Variants in RRAD observed in about 807,000 individuals in gnomAD.
RRAD encodes RRAD, Ras related glycolysis inhibitor and calcium channel regulator, also known as GTP-binding protein RAD.
A neutral mutation model predicts 24.7 loss-of-function variants in RRAD; 15 were observed. The observed-to-expected ratio is 0.61, with a 90% CI of 0.41 to 0.93. The LOEUF is 0.93. RRAD is among the 40% of genes least tolerant of loss of function. The pLI is 0.00. For missense variants in RRAD, 438 were observed against 452.2 expected (o/e 0.97, Z 0.29); for synonymous variants, 180 against 189.8 (o/e 0.95, Z 0.43).
In RRAD at chr16:66,923,944, T is replaced by C; in HGVS notation, c.371-25A>G. The stretch of plus-strand genomic sequence containing the variant: ...CCTAGGCAGAAGGCCAGTAGACAGG[T>C]TACCAGCTGGTTGTCAAAGCCGCTG... On this transcript the variant is annotated intron_variant, in intron 2 of 4. Coordinates refer to ENST00000299759, the MANE Select transcript of RRAD (RefSeq NM_004165.3). This position sits in a 1 kb window ranked among gnomAD's most constrained non-coding sequence, Gnocchi z 4.9. The C allele has an allele frequency of 6.2e-7, 1 of 1,605,610 alleles. No homozygotes were observed. The highest frequency in any genetic ancestry group is 8.5e-7 in the Non-Finnish European group (1 of 1,172,228).
In RRAD at chr16:66,922,251, A is replaced by G. The variant is rs1268228329; in HGVS notation, c.752T>C (p.Ile251Thr). 6.2e-7 allele frequency: 1 copy of G among 1,614,086 alleles called. No homozygotes were observed. Among genetic ancestry groups the G allele is most frequent in the Non-Finnish European group, 8.5e-7 (1 of 1,179,968 alleles). ...TTCTTTGCTGTCCCTGCGCAGGCGTATCTGGCGCACGACACCTTCAAACAG... is the reference window on the plus strand; with the variant it reads ...TTCTTTGCTGTCCCTGCGCAGGCGTGTCTGGCGCACGACACCTTCAAACAG... ...QALFEGVVRQ[I>T]RLRRDSKEAN... Residue 251 changes from isoleucine to threonine, a missense_variant, in exon 5 of 5, where the codon ATA becomes ACA. Transcript: ENST00000299759.
chr16:66,923,452 C>A lies in RRAD; in HGVS notation c.649+64G>T. 1 of 1,383,628 alleles carries A rather than the reference C, an allele frequency of 7.2e-7. No individual in the cohort carries two copies. The highest frequency in any genetic ancestry group is 1.2e-5 in the South Asian group (1 of 80,038). 85.7% of individuals were successfully genotyped at this position (1,383,628 alleles called of 1,614,324 possible). ...TGATCCCCAGGGACTCAAGCTGAGC[C>A]AAGACTGCCTGGATCAGGGCCCAGC... On this transcript the variant is annotated intron_variant, in intron 4 of 4. Transcript: ENST00000299759. The surrounding 1 kb of genome is among the most constrained non-coding windows in gnomAD (Gnocchi z 4.9).
rs775830753 is a variant in RRAD, at chr16:66,923,545, A to G, written c.620T>C (p.Leu207Pro). The change falls in exon 4 of 5, where the codon CTG becomes CCG. Residue 207 changes from leucine (L) to proline (P), a missense_variant. Transcript: ENST00000299759. The surrounding 1 kb of genome is among the most constrained non-coding windows in gnomAD (Gnocchi z 4.9). ...CACCGAGACCTCACGAGAGCGCACC[A>G]GGTCGCTCTTGTTGCCCACGAGGAT... ...PIILVGNKSD[L>P]VRSREVSVDE... 6.2e-7 allele frequency: 1 copy of G among 1,610,028 alleles called. No homozygotes were observed. The highest frequency in any genetic ancestry group is 8.5e-7 in the Non-Finnish European group (1 of 1,179,722).
Position 66,923,894 on chromosome 16 carries a change from T to G in RRAD, c.396A>C (p.Val132=), listed in dbSNP as rs773967178. The G allele has an allele frequency of 1.2e-6, 2 of 1,614,054 alleles. No homozygotes were observed. Among genetic ancestry groups the G allele is most frequent in the Admixed American group, 3.3e-5 (2 of 60,010 alleles). ...TGAGTGATGCCTCTTCTCCGTCCAC[T>G]ACAATGGAGCGATCATAGGTGTGCC... The part of the protein sequence containing the change: ...AAGHTYDRSI[V]VDGEEASLMV... The change falls in exon 3 of 5, where the codon GTA becomes GTC. Residue 132 remains valine, a synonymous_variant. Transcript: ENST00000299759. The surrounding 1 kb of genome is among the most constrained non-coding windows in gnomAD (Gnocchi z 4.9).
At position 66,924,091 on chromosome 16, in the gene RRAD, G is replaced by T. The variant is rs545056632; in HGVS notation, c.371-172C>A. On this transcript the variant is annotated intron_variant, in intron 2 of 4. Coordinates refer to ENST00000299759, the MANE Select transcript of RRAD (RefSeq NM_004165.3). This position sits in a 1 kb window ranked among gnomAD's most constrained non-coding sequence, Gnocchi z 4.2. ...AGTGCCAGGCAGGGAAGTGGGGGCT[G>T]GAGGGCATGGTGTGCCTGACCTCCA... Among the ~76,000 whole-genome samples the T allele has an allele frequency of 6.6e-5, 10 of 152,282 alleles. No homozygotes were observed. Among genetic ancestry groups the T allele is most frequent in the African/African-American group, 2.4e-4 (10 of 41,552 alleles).
rs1962979579 is a variant in RRAD at position 66,925,132 on chromosome 16, C to A, written c.48G>T (p.Gly16=). The change falls in exon 2 of 5, where the codon GGG becomes GGT. Residue 16 remains glycine (G), a synonymous_variant. Transcript: ENST00000299759. This position sits in a 1 kb window ranked among gnomAD's most constrained non-coding sequence, Gnocchi z 5.2. ...GGSGAGGSRG[G]GQERERRRGS... Reference sequence around the variant, plus strand: ...CCCGACGGCGCTCGCGCTCCTGGCCCCCACCGCGGCTCCCGCCCGCTCCGC... The same window carrying A: ...CCCGACGGCGCTCGCGCTCCTGGCCACCACCGCGGCTCCCGCCCGCTCCGC... 1 of 1,226,666 alleles carries A rather than the reference C, an allele frequency of 8.2e-7. No individual in the cohort carries two copies. Among genetic ancestry groups the A allele is most frequent in the East Asian group, 3.2e-5 (1 of 31,240 alleles). The allele number at this position is 1,226,666 out of a possible 1,614,324, so 76.0% of individuals were successfully genotyped here. A position where few individuals can be genotyped will look rare whatever the true frequency, so the allele number is the denominator to read the frequency against.
rs528970997 is a variant in RRAD, at chr16:66,922,278, G to A, written c.725C>T (p.Ala242Val). 3 of 1,613,488 alleles carry A rather than the reference G, an allele frequency of 1.9e-6. No homozygotes were observed. The highest frequency in any genetic ancestry group is 3.3e-5 in the Admixed American group (2 of 60,014). The change falls in exon 5 of 5, where the codon GCG becomes GTG. Residue 242 changes from alanine to valine, a missense_variant. Coordinates refer to ENST00000299759, the MANE Select transcript of RRAD (RefSeq NM_004165.3). ...CTGGCGCACGACACCTTCAAACAGC[G>A]CCTGGACATTGTGGTGCAATGCCGC... ...TSAALHHNVQ[A>V]LFEGVVRQIR... is the part of the protein sequence containing the mutation.
rs761272988 is a variant in RRAD at position 66,921,771 on chromosome 16, C to A, written c.*305G>T. The A allele has an allele frequency of 1.7e-5, 6 of 349,068 alleles. No individual in the cohort carries two copies. The highest frequency in any genetic ancestry group is 1.2e-4 in the African/African-American group (6 of 48,028). The allele number at this position is 349,068 out of a possible 1,614,324, so 21.6% of individuals were successfully genotyped here. ...AGCCTCCCTCCAGGGCAGGCACACCCGGGCTGTGAAAAAAGGCAGAGTCCT... is the reference window on the plus strand; with the variant it reads ...AGCCTCCCTCCAGGGCAGGCACACCAGGGCTGTGAAAAAAGGCAGAGTCCT... On this transcript the variant is annotated 3_prime_UTR_variant, in exon 5 of 5. Transcript: ENST00000299759.
chr16:66,923,459 G>C lies in RRAD; in HGVS notation c.649+57C>G. The C allele has an allele frequency of 7.1e-7, 1 of 1,413,354 alleles. No homozygotes were observed. The highest frequency in any genetic ancestry group is 9.7e-7 in the Non-Finnish European group (1 of 1,026,128). The allele number at this position is 1,413,354 out of a possible 1,614,324, so 87.6% of individuals were successfully genotyped here. On this transcript the variant is annotated intron_variant, in intron 4 of 4. Coordinates refer to ENST00000299759, the MANE Select transcript of RRAD (RefSeq NM_004165.3). The surrounding 1 kb of genome is among the most constrained non-coding windows in gnomAD (Gnocchi z 4.9). ...CAGGGACTCAAGCTGAGCCAAGACT[G>C]CCTGGATCAGGGCCCAGCTGGGCTC...
In RRAD at chr16:66,923,756, C is replaced by T; in HGVS notation, c.445-36G>A. On this transcript the variant is annotated intron_variant, in intron 3 of 4. Transcript: ENST00000299759. The surrounding 1 kb of genome is among the most constrained non-coding windows in gnomAD (Gnocchi z 4.9). ...CACAACACACATCTGCCCAACAGTC[C>T]TCATGCCCCCGACACGAGCCTGGCA... The T allele has an allele frequency of 6.2e-7, 1 of 1,613,060 alleles. No homozygotes were observed. Among genetic ancestry groups the T allele is most frequent in the Non-Finnish European group, 8.5e-7 (1 of 1,179,084 alleles).
rs1962968386 is a variant in RRAD at position 66,924,745 on chromosome 16, A to C, written c.370+65T>G. ...TTCCACGGTATTTGCGGCTTTGAGT[A>C]CCGGTCTCAGCCCCTAGTCCTAGCC... On this transcript the variant is annotated intron_variant, in intron 2 of 4. Coordinates refer to ENST00000299759, the MANE Select transcript of RRAD (RefSeq NM_004165.3). The surrounding 1 kb of genome is among the most constrained non-coding windows in gnomAD (Gnocchi z 4.2). 1 of 1,285,128 alleles carries C rather than the reference A, an allele frequency of 7.8e-7. No homozygotes were observed. The allele number at this position is 1,285,128 out of a possible 1,614,324, so 79.6% of individuals were successfully genotyped here. A position where few individuals can be genotyped will look rare whatever the true frequency, so the allele number is the denominator to read the frequency against.
rs183365824 is a variant in RRAD, at chr16:66,923,246, C to T, written c.649+270G>A. On this transcript the variant is annotated intron_variant, in intron 4 of 4. Coordinates refer to ENST00000299759, the MANE Select transcript of RRAD (RefSeq NM_004165.3). The surrounding 1 kb of genome is among the most constrained non-coding windows in gnomAD (Gnocchi z 4.9). ...CACTCTCTTCCACCCATTTACCCCC[C>T]CAACCAGCCAGGCCAGGACCAAGAG... Among the ~76,000 whole-genome samples the T allele has an allele frequency of 2.6e-5, 4 of 152,300 alleles. No individual in the cohort carries two copies. The highest frequency in any genetic ancestry group is 4.8e-5 in the African/African-American group (2 of 41,572).
rs933648242 is a variant in RRAD, at chr16:66,923,347, C to A, written c.649+169G>T. 1.3e-5 allele frequency among the ~76,000 whole-genome samples: 2 copies of A among 152,162 alleles called. No homozygotes were observed. Among genetic ancestry groups the A allele is most frequent in the Non-Finnish European group, 2.9e-5 (2 of 68,026 alleles). On this transcript the variant is annotated intron_variant, in intron 4 of 4. Coordinates refer to ENST00000299759, the MANE Select transcript of RRAD (RefSeq NM_004165.3). The surrounding 1 kb of genome is among the most constrained non-coding windows in gnomAD (Gnocchi z 4.9). Reference sequence around the variant, plus strand: ...TCTTTCCCCAGCCCTCTGGGGCCTTCCGGAGCCCTGTGAGCAGGCACCAGC... The same window carrying A: ...TCTTTCCCCAGCCCTCTGGGGCCTTACGGAGCCCTGTGAGCAGGCACCAGC...
In RRAD at chr16:66,921,807, G is replaced by T. The variant is rs1202928979; in HGVS notation, c.*269C>A. The T allele has an allele frequency of 2.4e-5, 10 of 412,786 alleles. No individual in the cohort carries two copies. Among genetic ancestry groups the T allele is most frequent in the Non-Finnish European group, 3.5e-5 (8 of 231,600 alleles). 25.6% of individuals were successfully genotyped at this position (412,786 alleles called of 1,614,324 possible). On this transcript the variant is annotated 3_prime_UTR_variant, in exon 5 of 5. Transcript: ENST00000299759. ...AAAAGGCAGAGTCCTCTCCCGGCACGCAGGCCTGCCCGGCGGCTGCGCTGC... is the reference window on the plus strand; with the variant it reads ...AAAAGGCAGAGTCCTCTCCCGGCACTCAGGCCTGCCCGGCGGCTGCGCTGC...
chr16:66,925,249 G>GGGC lies in RRAD; in HGVS notation c.-15-58_-15-56dup. 8.3e-7 allele frequency: 1 copy of GGGC among 1,199,188 alleles called. No homozygotes were observed. Among genetic ancestry groups the GGGC allele is most frequent in the South Asian group, 4.3e-5 (1 of 23,508 alleles). 74.3% of individuals were successfully genotyped at this position (1,199,188 alleles called of 1,614,324 possible). ...TAAGCCGCGAGGGAGGCGGGACCCGGGGCGCACCTGCCCAACCCGGAGTCA... is the reference window on the plus strand; with the variant it reads ...TAAGCCGCGAGGGAGGCGGGACCCGGGGCGGCGCACCTGCCCAACCCGGAGTCA... On this transcript the variant is annotated intron_variant, in intron 1 of 4. Coordinates refer to ENST00000299759, the MANE Select transcript of RRAD (RefSeq NM_004165.3). The surrounding 1 kb of genome is among the most constrained non-coding windows in gnomAD (Gnocchi z 5.2).
intron 4 of RRAD, 93 bp from the exon 5 acceptor site, chr16:66,922,446 C>T (rs1962929538): frequency 5.3e-6 from 7 of 1,332,548 alleles, no homozygotes; most frequent in Non-Finnish European, 7.1e-6. Flanking sequence ...AGCTGCCACT[C>T]GAGAATTTGC....
rs1287232692 is a variant in RRAD at position 66,923,725 on chromosome 16, A to G, written c.445-5T>C. On this transcript the variant is annotated splice_region_variant and splice_polypyrimidine_tract_variant and intron_variant, in intron 3 of 4. Coordinates refer to ENST00000299759, the MANE Select transcript of RRAD (RefSeq NM_004165.3). This position sits in a 1 kb window ranked among gnomAD's most constrained non-coding sequence, Gnocchi z 4.9. ...GGGCAACCAGCGGCCCCCGTCCTGGAGAACACACAACACACATCTGCCCAA... is the reference window on the plus strand; with the variant it reads ...GGGCAACCAGCGGCCCCCGTCCTGGGGAACACACAACACACATCTGCCCAA... 37 of 1,614,052 alleles carry G rather than the reference A, an allele frequency of 2.3e-5. No individual in the cohort carries two copies. Among genetic ancestry groups the G allele is most frequent in the Non-Finnish European group, 2.8e-5 (33 of 1,179,998 alleles).
rs952609326 is a variant in RRAD at position 66,925,439 on chromosome 16, G to A, written c.-46C>T. ...CGCACACAGACACGCTCAGGACTAG[G>A]ATCCGGATTAGGAGGCCACGCACTC... On this transcript the variant is annotated 5_prime_UTR_variant, in exon 1 of 5. Transcript: ENST00000299759. The surrounding 1 kb of genome is among the most constrained non-coding windows in gnomAD (Gnocchi z 5.2). The A allele has an allele frequency of 9.3e-6, 3 of 321,446 alleles. No individual in the cohort carries two copies. The highest frequency in any genetic ancestry group is 6.5e-5 in the African/African-American group (3 of 46,228). The allele number at this position is 321,446 out of a possible 1,614,324, so 19.9% of individuals were successfully genotyped here. A position where few individuals can be genotyped will look rare whatever the true frequency, so the allele number is the denominator to read the frequency against.
At position 66,924,747 on chromosome 16, in the gene RRAD, CG is replaced by C; in HGVS notation, c.370+62del. Reference sequence around the variant, plus strand: ...CCACGGTATTTGCGGCTTTGAGTACCGGTCTCAGCCCCTAGTCCTAGCCCCG... The same window carrying C: ...CCACGGTATTTGCGGCTTTGAGTACCGTCTCAGCCCCTAGTCCTAGCCCCG... On this transcript the variant is annotated intron_variant, in intron 2 of 4. Transcript: ENST00000299759. The surrounding 1 kb of genome is among the most constrained non-coding windows in gnomAD (Gnocchi z 4.2). 3 of 1,294,462 alleles carry C rather than the reference CG, an allele frequency of 2.3e-6. No individual in the cohort carries two copies. The highest frequency in any genetic ancestry group is 3.0e-6 in the Non-Finnish European group (3 of 1,003,690). 80.2% of individuals were successfully genotyped at this position (1,294,462 alleles called of 1,614,324 possible).
Sources: allele counts gnomAD v4.1 joint callset (sites outside exome capture counted in the v4.1 genomes callset), GRCh38; gene constraint gnomAD v4.1.1; non-coding constraint Gnocchi (gnomAD v3.1); transcripts MANE v1.5; gene names NCBI Gene and HGNC (gene_info 2026-07-23, HGNC 2026-07-21).